Variants in SORCS3 observed in about 807,000 individuals in gnomAD.
SORCS3 encodes the protein VPS10 domain-containing receptor SorCS3.
Under a neutral mutation model 146.3 loss-of-function variants are expected in SORCS3, and 57 were observed. The observed-to-expected ratio is 0.39, with a 90% CI of 0.31 to 0.49. The LOEUF is 0.49. Ranked by LOEUF, SORCS3 falls within the 20% of genes least tolerant of loss-of-function variation. SORCS3 has a pLI of 0.92. For missense variants in SORCS3, 1,341 were observed against 1,575.5 expected, an observed-to-expected ratio of 0.85 and a Z score of 2.52; for synonymous variants, 653 against 618.5, an observed-to-expected ratio of 1.06 and a Z score of -0.83.
intron 3 of SORCS3, among the ~76,000 whole-genome samples, chr10:104,943,949 T>G (rs2019345109): frequency 6.6e-6 from 1 of 152,138 alleles, no homozygotes; most frequent in Non-Finnish European, 1.5e-5. Flanking sequence ...GATGGGGTCT[T>G]GCTCTGTTGC....
At chr10:105,044,260 C>A (rs2055355149) in intron 5 of SORCS3, among the ~76,000 whole-genome samples, 1 of 152,016 alleles carries the variant, frequency 6.6e-6, no homozygotes, top group South Asian at 2.1e-4. Flanking sequence ...GTCCCAGCTA[C>A]TCAGGAGGCT....
chr10:104,645,482 G>A (rs1285230433), intron 1 of SORCS3, among the ~76,000 whole-genome samples: 1 of 152,162 alleles, frequency 6.6e-6, no homozygotes, highest in South Asian at 2.1e-4. Flanking sequence ...CCCCATTCCT[G>A]GTGCCAAGGT....
intron 5 of SORCS3, among the ~76,000 whole-genome samples, chr10:105,087,801 C>T (rs922482153): frequency 1.3e-5 from 2 of 152,208 alleles, no homozygotes; most frequent in Admixed American, 1.3e-4. Context: ...TTGTGCTGTG[C>T]AAAGCAGTGG....
intron 13 of SORCS3, 27 bp downstream of exon 13, chr10:105,167,376 T>G: frequency 1.3e-6 from 2 of 1,531,058 alleles, no homozygotes; most frequent in Non-Finnish European, 1.8e-6. Context: ...ACCCTATTAA[T>G]GAGCTAATGA....
At chr10:104,986,874 T>C (rs888185952) in intron 4 of SORCS3, among the ~76,000 whole-genome samples, 8 of 152,172 alleles carry the variant, frequency 5.3e-5, no homozygotes, top group African/African-American at 1.7e-4. Flanking sequence ...CAGATCATCA[T>C]AACAGATATA....
At chr10:104,777,265 C>A (rs895839643) in intron 1 of SORCS3, among the ~76,000 whole-genome samples, 5 of 152,168 alleles carry the variant, frequency 3.3e-5, no homozygotes, top group African/African-American at 4.8e-5. Flanking sequence ...GAAATTCAGA[C>A]CCTGCTCACA....
chr10:105,194,305 C>G (rs1323263789), intron 14 of SORCS3, among the ~76,000 whole-genome samples: 1 of 152,076 alleles, frequency 6.6e-6, no homozygotes, highest in Non-Finnish European at 1.5e-5. Flanking sequence ...TGAGAAAGTC[C>G]TTGGGTGAGT....
chr10:104,964,224 A>G (rs761036681), intron 3 of SORCS3, among the ~76,000 whole-genome samples: 1 of 152,136 alleles, frequency 6.6e-6, no homozygotes, highest in African/African-American at 2.4e-5. Context: ...CAGAGTCCTT[A>G]TATCAATGCC....
rs560462139 is a variant in SORCS3 at position 104,811,415 on chromosome 10, T to TGCCTC, written c.628-31376_628-31372dup. On this transcript the variant is annotated intron_variant, in intron 1 of 26. Coordinates refer to ENST00000369701, the MANE Select transcript of SORCS3 (RefSeq NM_014978.3). The stretch of plus-strand genomic sequence containing the variant: ...GGAGACATGAAGGAACACAGTGCTT[T>TGCCTC]GCCTCATTTACTCCTCACAGTTGCC... Among the ~76,000 whole-genome samples the TGCCTC allele has an allele frequency of 2.2e-4, 33 of 152,348 alleles. No homozygotes were observed. The East Asian group carries it at 6.4e-3, about 29-fold the overall frequency.
At chr10:104,651,547 A>AC (rs1399529946) in intron 1 of SORCS3, among the ~76,000 whole-genome samples, 1 of 150,850 alleles carries the variant, frequency 6.6e-6, no homozygotes, top group Non-Finnish European at 1.5e-5. Flanking sequence ...AAAAAAAAAA[A>AC]AAAAAAACAC....
intron 14 of SORCS3, among the ~76,000 whole-genome samples, chr10:105,193,703 G>A (rs1019639712): frequency 6.6e-6 from 1 of 152,128 alleles, no homozygotes; most frequent in East Asian, 1.9e-4. Flanking sequence ...GAAGTGATTT[G>A]CTCAAGGTCA....
chr10:105,256,052 T>C (rs2056929586), intron 24 of SORCS3, among the ~76,000 whole-genome samples: 1 of 152,234 alleles, frequency 6.6e-6, no homozygotes, highest in African/African-American at 2.4e-5. Context: ...ACCTACAATT[T>C]ACTTGGGTCT....
intron 3 of SORCS3, among the ~76,000 whole-genome samples, chr10:104,938,041 G>A (rs1428998627): frequency 6.6e-6 from 1 of 152,182 alleles, no homozygotes; most frequent in African/African-American, 2.4e-5. Context: ...TTTTGCTGAA[G>A]TTTAATGTGT....
At chr10:105,006,703 G>A (rs1349777524) in intron 4 of SORCS3, among the ~76,000 whole-genome samples, 1 of 152,136 alleles carries the variant, frequency 6.6e-6, no homozygotes, top group Non-Finnish European at 1.5e-5. Context: ...GACAAACACA[G>A]TCCTGTCTTG....
At chr10:105,224,414 A>G (rs2056722194) in intron 20 of SORCS3, among the ~76,000 whole-genome samples, 1 of 152,144 alleles carries the variant, frequency 6.6e-6, no homozygotes, top group Admixed American at 6.5e-5. Flanking sequence ...TCGTGTCTTG[A>G]TAGCTCATTT....
intron 4 of SORCS3, among the ~76,000 whole-genome samples, chr10:105,029,203 G>T (rs1564738062): frequency 6.6e-6 from 1 of 152,172 alleles, no homozygotes; most frequent in Non-Finnish European, 1.5e-5. Context: ...GTATCAATAT[G>T]ATTTACAAGT....
chr10:105,205,648 A>C (rs1167272939), intron 16 of SORCS3, among the ~76,000 whole-genome samples: 1 of 152,190 alleles, frequency 6.6e-6, no homozygotes, highest in East Asian at 1.9e-4. Flanking sequence ...TCACTTGTTC[A>C]GTGAGAAACG....
At chr10:104,765,213 C>T (rs1309515893) in intron 1 of SORCS3, among the ~76,000 whole-genome samples, 1 of 152,242 alleles carries the variant, frequency 6.6e-6, no homozygotes, top group Non-Finnish European at 1.5e-5. Context: ...TAATTTCTCT[C>T]TCCTTGAGTG....
chr10:105,105,324 G>A (rs980238367), intron 6 of SORCS3, 73 bp from the exon 7 acceptor site: 3 of 914,522 alleles, frequency 3.3e-6, no homozygotes, highest in African/African-American at 1.7e-5. Context: ...ATGAAGTAGA[G>A]TTTTGTATGC....
Sources: allele counts gnomAD v4.1 joint callset (sites outside exome capture counted in the v4.1 genomes callset), GRCh38; gene constraint gnomAD v4.1.1; transcripts MANE v1.5; gene names NCBI Gene and HGNC (gene_info 2026-07-23, HGNC 2026-07-21).